Variants in GPATCH2L observed in about 807,000 individuals in gnomAD.
GPATCH2L encodes G-patch domain containing 2 like.
A neutral mutation model predicts 57.4 loss-of-function variants in GPATCH2L; 31 were observed. The observed-to-expected ratio is 0.54, with a 90% CI of 0.41 to 0.73. The LOEUF (loss-of-function observed/expected upper bound fraction) is 0.73. Ranked by LOEUF, GPATCH2L falls within the 30% of genes least tolerant of loss-of-function variation. The probability of loss-of-function intolerance (pLI) is 0.00; values close to 1 mark genes in which losing one functional copy is unlikely to be tolerated. For synonymous variants in GPATCH2L, 199 were observed against 210.7 expected, an observed-to-expected ratio of 0.94 and a Z score of 0.48; for missense variants, 481 against 599.9, an observed-to-expected ratio of 0.80 and a Z score of 2.07.
At chr14:76,227,249 T>C (rs2040539919) in intron 1 of GPATCH2L, among the ~76,000 whole-genome samples, 1 of 152,194 alleles carries the variant, frequency 6.6e-6, no homozygotes, top group Non-Finnish European at 1.5e-5. Context: ...CCCTGAGTCT[T>C]CTGGCCGGCA....
At chr14:76,218,556 A>G (rs979557823), downstream of GPATCH2L, among the ~76,000 whole-genome samples, 1 of 152,138 alleles carries the variant, frequency 6.6e-6, no homozygotes, top group Non-Finnish European at 1.5e-5. Context: ...ACGTTCTCTC[A>G]TAGAAATACG....
At chr14:76,196,099 A>AAT in intron 9 of GPATCH2L, 127 bp downstream of exon 9, 1 of 794,328 alleles carries the variant, frequency 1.3e-6, no homozygotes, top group Non-Finnish European at 2.2e-6. Flanking sequence ...TTTACATGGG[A>AAT]AAACTGAGAC....
chr14:76,158,129 CT>C (rs984865016), intron 2 of GPATCH2L, among the ~76,000 whole-genome samples: 3 of 148,678 alleles, frequency 2.0e-5, no homozygotes, highest in East Asian at 2.0e-4. Context: ...AGTTTAGCTT[CT>C]TTTTTTTTTC....
Position 76,154,649 on chromosome 14 carries a change from C to G in GPATCH2L, c.286C>G (p.Arg96Gly), listed in dbSNP as rs2038213140. The G allele has an allele frequency of 6.2e-7, 1 of 1,614,226 alleles. No homozygotes were observed. The highest frequency in any genetic ancestry group is 1.3e-5 in the African/African-American group (1 of 75,054). ...SDSDDTMVAK[R>G]HPALNAIVKS... ...CTCTGATGACACAATGGTAGCCAAA[C>G]GACACCCAGCTCTCAATGCCATTGT... Residue 96 changes from arginine to glycine, a missense_variant, in exon 2 of 10, where the codon CGA (arginine) becomes GGA (glycine). Physicochemically the swap from Arg to Gly is moderately radical, Grantham distance 125. Coordinates refer to ENST00000261530, the MANE Select transcript of GPATCH2L (RefSeq NM_017926.4). This position sits in a 1 kb window ranked among gnomAD's most constrained non-coding sequence, Gnocchi z 4.4.
intron 2 of GPATCH2L, among the ~76,000 whole-genome samples, chr14:76,160,846 G>A (rs1309684644): frequency 6.6e-6 from 1 of 152,146 alleles, no homozygotes; most frequent in African/African-American, 2.4e-5. Context: ...GTCTTGAAAG[G>A]ATGGGTGGAC....
intron 1 of GPATCH2L, among the ~76,000 whole-genome samples, chr14:76,220,447 A>G (rs765689229): frequency 5.3e-5 from 8 of 152,230 alleles, no homozygotes; most frequent in Non-Finnish European, 5.9e-5. Context: ...TAAATCTACC[A>G]GAAAGATAGA....
intron 3 of GPATCH2L, among the ~76,000 whole-genome samples, chr14:76,168,640 C>T (rs2038952858): frequency 6.6e-6 from 1 of 152,154 alleles, no homozygotes; most frequent in Non-Finnish European, 1.5e-5. Context: ...GGCTAGACCA[C>T]AAGTACATAT....
intron 3 of GPATCH2L, among the ~76,000 whole-genome samples, 164 bp from the exon 4 acceptor site, chr14:76,171,679 C>T (rs552187826): frequency 2.3e-4 from 35 of 151,232 alleles, no homozygotes; most frequent in Middle Eastern, 3.4e-3. Flanking sequence ...CATGTGATTA[C>T]GCCACTGCAT....
intron 7 of GPATCH2L, 28 bp downstream of exon 7, chr14:76,178,070 G>T: frequency 1.3e-6 from 2 of 1,557,238 alleles, no homozygotes; most frequent in South Asian, 1.1e-5. Flanking sequence ...TTGTTATTTT[G>T]ATTTTCTTGG....
At chr14:76,232,011 A>AGTGC in intron 2 of GPATCH2L, among the ~76,000 whole-genome samples, 2 of 150,440 alleles carry the variant, frequency 1.3e-5, no homozygotes, top group Admixed American at 6.6e-5. Flanking sequence ...CTGCAGGCTC[A>AGTGC]AGCAATCTTC....
intron 7 of GPATCH2L, chr14:76,178,403 A>G (rs2039424944): frequency 2.3e-6 from 1 of 435,778 alleles, no homozygotes; most frequent in East Asian, 7.7e-5. Flanking sequence ...CCATTTTTGT[A>G]GAAGACAGTT....
chr14:76,158,090 C>CA (rs1566769165), intron 2 of GPATCH2L, among the ~76,000 whole-genome samples: 1 of 151,732 alleles, frequency 6.6e-6, no homozygotes, highest in Non-Finnish European at 1.5e-5. Flanking sequence ...TCTTTACTAA[C>CA]ACATCATTTG....
intron 7 of GPATCH2L, chr14:76,178,433 G>A: frequency 9.7e-6 from 3 of 307,886 alleles, no homozygotes; most frequent in South Asian, 9.5e-5. Flanking sequence ...ACCCGGGTTG[G>A]GGGCGTGGTG....
chr14:76,214,457 TAAAC>T (rs1164438334), downstream of GPATCH2L: 2 of 152,206 alleles, frequency 1.3e-5, no homozygotes, highest in African/African-American at 4.8e-5. Flanking sequence ...TTTAAAAAAA[TAAAC>T]AACAGAAATT....
At chr14:76,187,426 T>C (rs1407000199) in intron 8 of GPATCH2L, among the ~76,000 whole-genome samples, 1 of 152,064 alleles carries the variant, frequency 6.6e-6, no homozygotes, top group African/African-American at 2.4e-5. Context: ...TAAAAATAAT[T>C]GAGGTGAATA....
chr14:76,196,437 G>GTTTTT (rs78248589), intron 9 of GPATCH2L: 30 of 129,522 alleles, frequency 2.3e-4, no homozygotes, highest in South Asian at 8.1e-4. Flanking sequence ...AAACTTTTCA[G>GTTTTT]TTTTTTTTTT....
At chr14:76,227,316 C>T (rs1297180469) in intron 1 of GPATCH2L, among the ~76,000 whole-genome samples, 1 of 152,198 alleles carries the variant, frequency 6.6e-6, no homozygotes, top group Non-Finnish European at 1.5e-5. Flanking sequence ...TGGTGTTTCT[C>T]CCTCTTCTCC....
At chr14:76,186,554 C>T (rs1487066468) in intron 8 of GPATCH2L, among the ~76,000 whole-genome samples, 1 of 152,210 alleles carries the variant, frequency 6.6e-6, no homozygotes, top group Non-Finnish European at 1.5e-5. Flanking sequence ...GTTGCTTTCT[C>T]ACCTCTTTAA....
chr14:76,175,281 A>G (rs1263987239), intron 5 of GPATCH2L: 1 of 152,156 alleles, frequency 6.6e-6, no homozygotes, highest in Non-Finnish European at 1.5e-5. Flanking sequence ...AATGATTTCA[A>G]ATGAATAGGA....
Sources: allele counts gnomAD v4.1 joint callset (sites outside exome capture counted in the v4.1 genomes callset), GRCh38; gene constraint gnomAD v4.1.1; non-coding constraint Gnocchi (gnomAD v3.1); transcripts MANE v1.5; gene names NCBI Gene and HGNC (gene_info 2026-07-23, HGNC 2026-07-21).